The following PDE4D variants were observed in gnomAD, a reference collection of about 807,000 sequenced individuals.
The protein encoded by PDE4D is phosphodiesterase 4D, also known as 3',5'-cyclic-AMP phosphodiesterase 4D.
PDE4D carries 24 observed loss-of-function variants against 87.4 expected under a neutral mutation model. That is an observed-to-expected ratio of 0.27 (90% CI 0.20 to 0.39). The LOEUF is 0.39. Among genes scored for constraint, PDE4D ranks in the 10% least tolerant of loss-of-function variants. The pLI is 1.00. For missense variants in PDE4D, 714 were observed against 1,041.0 expected (o/e 0.69, Z 4.32); for synonymous variants, 384 against 383.2 (o/e 1.00, Z -0.02).
intron 1 of PDE4D, among the ~76,000 whole-genome samples, chr5:60,438,324 C>T (rs1212389708): frequency 1.3e-5 from 2 of 152,088 alleles, no homozygotes; most frequent in African/African-American, 4.8e-5. Context: ...TCCTGTTAAC[C>T]TCATGTAAAA....
intron 5 of PDE4D, among the ~76,000 whole-genome samples, chr5:59,156,481 A>C (rs893401272): frequency 2.6e-5 from 4 of 151,080 alleles, no homozygotes; most frequent in African/African-American, 9.8e-5. Context: ...TGGGTGTACT[A>C]TTCCTTCTTT....
chr5:60,279,946 C>T (rs1428395454), intron 1 of PDE4D, among the ~76,000 whole-genome samples: 1 of 152,056 alleles, frequency 6.6e-6, no homozygotes. Context: ...TCCCAAAGTG[C>T]TGGGATTACA....
chr5:59,751,891 T>C (rs1198710269), intron 1 of PDE4D, among the ~76,000 whole-genome samples: 1 of 152,098 alleles, frequency 6.6e-6, no homozygotes, highest in African/African-American at 2.4e-5. Flanking sequence ...TGAAATGTGA[T>C]AATAAAACCT....
At chr5:59,590,408 G>T (rs1353729428) in intron 1 of PDE4D, among the ~76,000 whole-genome samples, 2 of 152,100 alleles carry the variant, frequency 1.3e-5, no homozygotes, top group Non-Finnish European at 2.9e-5. Context: ...AGCCAGTTCT[G>T]GTTGCTCATG....
At chr5:60,390,709 G>A (rs1303159584) in intron 1 of PDE4D, among the ~76,000 whole-genome samples, 1 of 151,098 alleles carries the variant, frequency 6.6e-6, no homozygotes, top group Non-Finnish European at 1.5e-5. Context: ...TGGCCTGAGG[G>A]GGAATATAAG....
chr5:59,189,925 C>T (rs1743927894), intron 3 of PDE4D, among the ~76,000 whole-genome samples: 1 of 152,184 alleles, frequency 6.6e-6, no homozygotes, highest in South Asian at 2.1e-4. Flanking sequence ...GTGTTTTAGA[C>T]AATGGGATAA....
chr5:59,549,338 C>G (rs1817750682), intron 1 of PDE4D, among the ~76,000 whole-genome samples: 1 of 152,124 alleles, frequency 6.6e-6, no homozygotes, highest in Non-Finnish European at 1.5e-5. Context: ...TAAATAACCA[C>G]TTGAGATATT....
At chr5:59,104,382 C>T (rs1358335784) in intron 5 of PDE4D, among the ~76,000 whole-genome samples, 1 of 152,236 alleles carries the variant, frequency 6.6e-6, no homozygotes, top group Non-Finnish European at 1.5e-5. Flanking sequence ...CAAGGTCCAT[C>T]TTACTCCAAA....
intron 1 of PDE4D, among the ~76,000 whole-genome samples, chr5:59,274,778 A>G (rs1412517455): frequency 6.6e-6 from 1 of 152,140 alleles, no homozygotes; most frequent in Non-Finnish European, 1.5e-5. Context: ...AAGCATTAAA[A>G]TAACCAAAAA....
chr5:60,093,379 A>AAGAG (rs777947705), intron 2 of PDE4D, among the ~76,000 whole-genome samples: 2 of 152,206 alleles, frequency 1.3e-5, no homozygotes, highest in African/African-American at 2.4e-5. Flanking sequence ...AATTAAAAAG[A>AAGAG]AGAGACTATC....
Position 59,598,662 on chromosome 5 carries a change from T to C in PDE4D, c.455+294506A>G, listed in dbSNP as rs549407642. 9.3e-4 allele frequency among the ~76,000 whole-genome samples: 142 copies of C among 152,212 alleles called. No homozygotes were observed. The South Asian group carries it at 0.028, about 30-fold the overall frequency. On this transcript the variant is annotated intron_variant, in intron 1 of 14. Transcript: ENST00000340635. ...CCAAATCCCTGACAGCCTCTCTTCA[T>C]AGACTGCAGGTCTAGTGTGCAGGTG... is the stretch of plus-strand genomic sequence containing the variant.
At chr5:60,223,395 C>T (rs935221223) in intron 1 of PDE4D, among the ~76,000 whole-genome samples, 4 of 151,970 alleles carry the variant, frequency 2.6e-5, no homozygotes, top group Admixed American at 6.6e-5. Flanking sequence ...TTATTTAGCA[C>T]GTATGGAAGA....
At chr5:59,497,752 A>G (rs1807488423) in intron 1 of PDE4D, among the ~76,000 whole-genome samples, 1 of 152,202 alleles carries the variant, frequency 6.6e-6, no homozygotes. Flanking sequence ...CACATATTTG[A>G]GGATATAATT....
At chr5:59,252,899 T>C (rs1288027538) in intron 1 of PDE4D, among the ~76,000 whole-genome samples, 1 of 152,044 alleles carries the variant, frequency 6.6e-6, no homozygotes. Context: ...AATAAACAAA[T>C]ACCCAAGTGA....
At chr5:59,190,459 A>C (rs1417745971) in intron 3 of PDE4D, among the ~76,000 whole-genome samples, 1 of 152,158 alleles carries the variant, frequency 6.6e-6, no homozygotes, top group Non-Finnish European at 1.5e-5. Context: ...CTGAGAAAAG[A>C]GGGTAATTCT....
At chr5:59,855,949 T>G (rs1745364120) in intron 1 of PDE4D, among the ~76,000 whole-genome samples, 1 of 152,136 alleles carries the variant, frequency 6.6e-6, no homozygotes, top group Non-Finnish European at 1.5e-5. Context: ...TCTGGTTTGT[T>G]CACTAAAATA....
chr5:59,332,788 T>C (rs1341902232), intron 1 of PDE4D, among the ~76,000 whole-genome samples: 1 of 152,216 alleles, frequency 6.6e-6, no homozygotes, highest in Non-Finnish European at 1.5e-5. Context: ...GTGTTTCTTA[T>C]AAGTGGGGTA....
intron 1 of PDE4D, among the ~76,000 whole-genome samples, chr5:59,454,428 T>A (rs148446587): frequency 0.016 from 2,397 of 152,306 alleles, 82 homozygotes; most frequent in African/African-American, 0.055. Flanking sequence ...GCATAAGCTC[T>A]CTCTTTGCCT....
At chr5:59,243,956 AAG>A (rs1441713838) in intron 1 of PDE4D, among the ~76,000 whole-genome samples, 1 of 152,144 alleles carries the variant, frequency 6.6e-6, no homozygotes, top group Admixed American at 6.6e-5. Context: ...ATAAAGAAAA[AAG>A]AGGAAAATTT....
Sources: allele counts gnomAD v4.1 joint callset (sites outside exome capture counted in the v4.1 genomes callset), GRCh38; gene constraint gnomAD v4.1.1; transcripts MANE v1.5; gene names NCBI Gene and HGNC (gene_info 2026-07-23, HGNC 2026-07-21).